The following RNF144A variants were observed in gnomAD, a reference collection of about 807,000 sequenced individuals.
The protein encoded by RNF144A is ring finger protein 144A, also known as E3 ubiquitin-protein ligase RNF144A.
RNF144A carries 11 observed loss-of-function variants against 38.7 expected under a neutral mutation model. That is an observed-to-expected ratio of 0.28 (90% CI 0.18 to 0.47). The LOEUF (loss-of-function observed/expected upper bound fraction) is 0.47. Ranked by LOEUF, RNF144A falls within the 20% of genes least tolerant of loss-of-function variation. The pLI, the probability that RNF144A is intolerant of heterozygous loss-of-function variation, is 0.99. For missense variants in RNF144A, 316 were observed against 377.2 expected (o/e 0.84, Z 1.34); for synonymous variants, 149 against 143.9 (o/e 1.04, Z -0.25).
At chr2:6,988,406 G>C (rs1211761923) in intron 2 of RNF144A, among the ~76,000 whole-genome samples, 4 of 152,168 alleles carry the variant, frequency 2.6e-5, no homozygotes, top group Non-Finnish European at 4.4e-5. Flanking sequence ...TCTCCTTAGA[G>C]TCCTCTCCAC....
At chr2:6,976,742 G>A (rs1668340190) in intron 2 of RNF144A, among the ~76,000 whole-genome samples, 1 of 151,576 alleles carries the variant, frequency 6.6e-6, no homozygotes, top group African/African-American at 2.4e-5. Flanking sequence ...ATGATTTTGT[G>A]TGAGTATGTA....
At position 7,041,507 on chromosome 2, in the gene RNF144A, C is replaced by G. The variant is rs1301816820; in HGVS notation, c.*1747C>G. The stretch of plus-strand genomic sequence containing the variant: ...TCAGTAAGAACATGCCTGCGACTCC[C>G]TTTCTGGATGGAACCTGGGCTGTGG... On this transcript the variant is annotated 3_prime_UTR_variant, in exon 9 of 9. Coordinates refer to ENST00000320892, the MANE Select transcript of RNF144A (RefSeq NM_014746.6). 3 of 985,918 alleles carry G rather than the reference C, an allele frequency of 3.0e-6. No homozygotes were observed. The highest frequency in any genetic ancestry group is 3.6e-6 in the Non-Finnish European group (3 of 829,948). The allele number at this position is 985,918 out of a possible 1,614,324, so 61.1% of individuals were successfully genotyped here. A position where few individuals can be genotyped will look rare whatever the true frequency, so the allele number is the denominator to read the frequency against.
At chr2:6,946,166 G>A (rs936298458) in intron 2 of RNF144A, among the ~76,000 whole-genome samples, 8 of 152,160 alleles carry the variant, frequency 5.3e-5, no homozygotes, top group African/African-American at 1.9e-4. Flanking sequence ...AGTTTCTTTT[G>A]ATTATTCCCA....
chr2:7,066,228 C>T (rs899161106), intron 6 of RNF144A, among the ~76,000 whole-genome samples: 2 of 152,120 alleles, frequency 1.3e-5, no homozygotes, highest in African/African-American at 4.8e-5. Flanking sequence ...GCTGGGACTA[C>T]AGGCGCCCAC....
At position 7,057,223 on chromosome 2, in the gene RNF144A, A is replaced by G. The variant is rs145704457; in HGVS notation, c.735-10993A>G. On this transcript the variant is annotated intron_variant, in intron 6 of 6. Transcript: ENST00000432850. Reference sequence around the variant, plus strand: ...ACAATGAATTGCATTGTACTTATTTACAATAGATCCTAAGTTATTGATGAT... The same window carrying G: ...ACAATGAATTGCATTGTACTTATTTGCAATAGATCCTAAGTTATTGATGAT... Among the ~76,000 whole-genome samples the G allele has an allele frequency of 2.8e-3, 427 of 152,342 alleles. 3 individuals are homozygous for G. Among genetic ancestry groups the G allele is most frequent in the African/African-American group, 9.9e-3 (412 of 41,578 alleles).
At chr2:7,073,124 G>A (rs147719169), downstream of RNF144A, among the ~76,000 whole-genome samples, 201 of 152,178 alleles carry the variant, frequency 1.3e-3, no homozygotes, top group African/African-American at 4.6e-3. Flanking sequence ...GAACCCTGTC[G>A]CCACTCAGGC....
chr2:6,956,751 G>A (rs1423405217), intron 2 of RNF144A, among the ~76,000 whole-genome samples: 1 of 152,124 alleles, frequency 6.6e-6, no homozygotes, highest in Non-Finnish European at 1.5e-5. Context: ...CTTCTGGGAG[G>A]CTTGGTGGTT....
chr2:7,020,331 G>A, intron 5 of RNF144A, 142 bp from the exon 6 acceptor site: 1 of 694,048 alleles, frequency 1.4e-6, no homozygotes, highest in Non-Finnish European at 2.5e-6. Context: ...GGCTTGGGCG[G>A]TGCTTCGGTT....
At chr2:6,955,137 TCTAAG>T (rs1666922464) in intron 2 of RNF144A, among the ~76,000 whole-genome samples, 1 of 152,182 alleles carries the variant, frequency 6.6e-6, no homozygotes, top group African/African-American at 2.4e-5. Context: ...ATTGTTTTAC[TCTAAG>T]GCAACACTGT....
chr2:6,964,714 G>A (rs549001204), intron 2 of RNF144A, among the ~76,000 whole-genome samples: 1,605 of 151,406 alleles, frequency 0.011, 29 homozygotes, highest in African/African-American at 0.037. Flanking sequence ...GTAAACTATC[G>A]CAAGAACAAA....
chr2:7,054,957 C>G (rs1160118606), intron 6 of RNF144A, among the ~76,000 whole-genome samples: 1 of 152,200 alleles, frequency 6.6e-6, no homozygotes, highest in Non-Finnish European at 1.5e-5. Context: ...CACCACTGTT[C>G]CACCCAAACC....
chr2:6,977,301 G>A (rs1668373589), intron 2 of RNF144A, among the ~76,000 whole-genome samples: 1 of 152,266 alleles, frequency 6.6e-6, no homozygotes, highest in South Asian at 2.1e-4. Context: ...AGGGCTGGAA[G>A]CCAGGCCTCC....
chr2:6,933,378 G>C (rs1296952960), intron 1 of RNF144A: 2 of 152,236 alleles, frequency 1.3e-5, no homozygotes, highest in East Asian at 3.8e-4. Context: ...GTGGATTTCA[G>C]AGCAGAGCCT....
At chr2:7,019,112 C>T (rs931430779) in intron 5 of RNF144A, among the ~76,000 whole-genome samples, 1 of 152,210 alleles carries the variant, frequency 6.6e-6, no homozygotes, top group Non-Finnish European at 1.5e-5. Context: ...CTATCCGACC[C>T]TCTGCAGAGG....
In RNF144A at chr2:7,040,203, C is replaced by T; in HGVS notation, c.*443C>T. 1.0e-6 allele frequency: 1 copy of T among 987,482 alleles called. No individual in the cohort carries two copies. The highest frequency in any genetic ancestry group is 1.2e-6 in the Non-Finnish European group (1 of 831,424). The allele number at this position is 987,482 out of a possible 1,614,324, so 61.2% of individuals were successfully genotyped here. Reference sequence around the variant, plus strand: ...CTTGAGAGAAGCACTCTGTTTATGACAACTGTTTTTATTACTAATGGCATT... The same window carrying T: ...CTTGAGAGAAGCACTCTGTTTATGATAACTGTTTTTATTACTAATGGCATT... On this transcript the variant is annotated 3_prime_UTR_variant, in exon 9 of 9. Transcript: ENST00000320892.
At chr2:6,976,557 T>TTA (rs992357926) in intron 2 of RNF144A, among the ~76,000 whole-genome samples, 4 of 149,830 alleles carry the variant, frequency 2.7e-5, no homozygotes, top group African/African-American at 7.3e-5. Flanking sequence ...GTTTTGAAAT[T>TTA]TATATATATA....
intron 7 of RNF144A, among the ~76,000 whole-genome samples, chr2:7,028,054 C>T (rs958822468): frequency 1.3e-5 from 2 of 152,094 alleles, no homozygotes; most frequent in Admixed American, 6.5e-5. Context: ...CCATAAGGCA[C>T]GATCCGGACA....
chr2:7,045,740 G>A (rs1003202291), downstream of RNF144A, among the ~76,000 whole-genome samples: 11 of 152,190 alleles, frequency 7.2e-5, no homozygotes, highest in Non-Finnish European at 1.0e-4. Context: ...GACTCTGAGT[G>A]GGCTGTCTGG....
At chr2:6,987,961 T>G (rs995864658) in intron 2 of RNF144A, among the ~76,000 whole-genome samples, 1 of 152,220 alleles carries the variant, frequency 6.6e-6, no homozygotes, top group Non-Finnish European at 1.5e-5. Context: ...TTTCTTGGAC[T>G]GTGATGGTAT....
Sources: allele counts gnomAD v4.1 joint callset (sites outside exome capture counted in the v4.1 genomes callset), GRCh38; gene constraint gnomAD v4.1.1; transcripts MANE v1.5; gene names NCBI Gene and HGNC (gene_info 2026-07-23, HGNC 2026-07-21).